CFAP44: variants seen among roughly 807,000 people sequenced by gnomAD.
The protein encoded by CFAP44 is cilia and flagella associated protein 44.
Under a neutral mutation model 216.2 loss-of-function variants are expected in CFAP44, and 134 were observed. That is an observed-to-expected ratio of 0.62 (90% CI 0.54 to 0.72). The LOEUF (loss-of-function observed/expected upper bound fraction) is 0.72. CFAP44 is among the 30% of genes least tolerant of loss of function. CFAP44 has a pLI of 0.00. For synonymous variants in CFAP44, 700 were observed against 727.6 expected (o/e 0.96, Z 0.61); for missense variants, 2,035 against 2,182.1 (o/e 0.93, Z 1.34).
Position 113,396,621 on chromosome 3 carries a change from T to G in CFAP44, c.1676A>C (p.Lys559Thr). 6.2e-7 allele frequency: 1 copy of G among 1,614,106 alleles called. No individual in the cohort carries two copies. The highest frequency in any genetic ancestry group is 8.5e-7 in the Non-Finnish European group (1 of 1,180,014). ...KGLTIFAGRK[K>T]ILDADIQLKQ... ...CAACTGAATATCAGCATCCAAAATT[T>G]TCTTCCGTCCCGCAAAAATCGTGAG... Residue 559 changes from lysine (K) to threonine (T), a missense_variant, in exon 14 of 35, where the codon AAA becomes ACA. Physicochemically the swap from Lys to Thr is moderately conservative, Grantham distance 78 (BLOSUM62 -1). Coordinates refer to ENST00000393845, the MANE Select transcript of CFAP44 (RefSeq NM_001164496.2).
chr3:113,426,611 A>G, intron 3 of CFAP44: 1 of 228,262 alleles, frequency 4.4e-6, no homozygotes, highest in Non-Finnish European at 8.7e-6. Flanking sequence ...AGTCAAGTAA[A>G]CCTCTTTCCT....
chr3:113,432,542 T>G (rs1935132952), intron 2 of CFAP44, among the ~76,000 whole-genome samples: 1 of 152,206 alleles, frequency 6.6e-6, no homozygotes, highest in African/African-American at 2.4e-5. Flanking sequence ...CCTCCATATA[T>G]CTAAACAATA....
chr3:113,393,974 C>T (rs1482075874), intron 15 of CFAP44, among the ~76,000 whole-genome samples: 1 of 152,138 alleles, frequency 6.6e-6, no homozygotes, highest in African/African-American at 2.4e-5. Flanking sequence ...AGCCAAATTG[C>T]CCAGCCTCAA....
chr3:113,401,798 T>TGGCTTAGAAAATA, intron 9 of CFAP44, 59 bp from the exon 10 acceptor site: 1 of 1,517,158 alleles, frequency 6.6e-7, no homozygotes, highest in Non-Finnish European at 8.8e-7. Flanking sequence ...ATTTATTTTC[T>TGGCTTAGAAAATA]AAGCCAGAAA....
intron 22 of CFAP44, among the ~76,000 whole-genome samples, chr3:113,345,397 A>G (rs6795288): frequency 0.093 from 14,158 of 152,102 alleles, 885 homozygotes; most frequent in African/African-American, 0.17. Context: ...TGTGTGGTGT[A>G]TATATATGTG....
intron 15 of CFAP44, among the ~76,000 whole-genome samples, chr3:113,384,866 A>C (rs955035325): frequency 6.6e-6 from 1 of 152,226 alleles, no homozygotes; most frequent in Non-Finnish European, 1.5e-5. Flanking sequence ...GAGGGAGTCA[A>C]GAAGTTCAGA....
rs192936380 is a variant in CFAP44, at chr3:113,316,800, C to T, written c.4517-8532G>A. Among the ~76,000 whole-genome samples, 485 of 149,560 alleles carry T rather than the reference C, an allele frequency of 3.2e-3. 6 individuals are homozygous for T. Among genetic ancestry groups the T allele is most frequent in the South Asian group, 0.017 (79 of 4,610 alleles). ...ACAAGAATTGCTTGAATCTGGGAGG[C>T]GGAGGTTGCAGTGAGCCAAGATCAC... is the stretch of plus-strand genomic sequence containing the variant. On this transcript the variant is annotated intron_variant, in intron 28 of 34. Coordinates refer to ENST00000393845, the MANE Select transcript of CFAP44 (RefSeq NM_001164496.2).
chr3:113,301,870 T>C (rs748524052), intron 32 of CFAP44, among the ~76,000 whole-genome samples: 1 of 152,212 alleles, frequency 6.6e-6, no homozygotes, highest in African/African-American at 2.4e-5. Flanking sequence ...TCTCTTGAAA[T>C]TGTTCTTTGG....
intron 28 of CFAP44, among the ~76,000 whole-genome samples, chr3:113,314,973 A>T (rs1950073449): frequency 1.3e-5 from 2 of 152,124 alleles, no homozygotes; most frequent in Admixed American, 1.3e-4. Flanking sequence ...TTAAAATAGA[A>T]TCCCCAAAAA....
chr3:113,301,604 G>T (rs930397069), intron 32 of CFAP44, among the ~76,000 whole-genome samples: 2 of 152,002 alleles, frequency 1.3e-5, no homozygotes, highest in African/African-American at 4.8e-5. Context: ...AATGTGAAGG[G>T]CACAACTAAT....
chr3:113,297,126 T>G (rs914326393), intron 32 of CFAP44, among the ~76,000 whole-genome samples: 1 of 152,186 alleles, frequency 6.6e-6, no homozygotes, highest in African/African-American at 2.4e-5. Flanking sequence ...AACTGGATTA[T>G]GGACTGATCT....
intron 15 of CFAP44, among the ~76,000 whole-genome samples, chr3:113,385,506 C>T (rs1933623950): frequency 6.6e-6 from 1 of 152,024 alleles, no homozygotes; most frequent in Non-Finnish European, 1.5e-5. Flanking sequence ...GTAAAAACAA[C>T]ATTTGATCTA....
At chr3:113,365,839 T>C (rs1463991508) in intron 19 of CFAP44, among the ~76,000 whole-genome samples, 200 bp downstream of exon 19, 1 of 152,158 alleles carries the variant, frequency 6.6e-6, no homozygotes, top group African/African-American at 2.4e-5. Context: ...AATTCCAATC[T>C]TTAATAATAA....
intron 34 of CFAP44, among the ~76,000 whole-genome samples, chr3:113,292,490 A>G (rs962811437): frequency 5.9e-5 from 9 of 152,362 alleles, no homozygotes; most frequent in African/African-American, 2.2e-4. Flanking sequence ...ATTTGAATGC[A>G]TGAATACATC....
At chr3:113,430,429 G>GAAAAAAAAAAAAA (rs754983161) in intron 2 of CFAP44, among the ~76,000 whole-genome samples, 44 of 73,978 alleles carry the variant, frequency 5.9e-4, no homozygotes, top group African/African-American at 8.4e-4. Flanking sequence ...AAAAATAAAT[G>GAAAAAAAAAAAAA]AAAAAAAAAA....
intron 16 of CFAP44, among the ~76,000 whole-genome samples, chr3:113,379,999 A>C (rs61151383): frequency 0.052 from 7,920 of 152,062 alleles, 355 homozygotes; most frequent in African/African-American, 0.12. Flanking sequence ...CATTCTGTTC[A>C]CCCTTCAGAA....
chr3:113,363,456 A>G (rs766163287), intron 20 of CFAP44, 21 bp downstream of exon 20: 16 of 1,604,994 alleles, frequency 1.0e-5, no homozygotes, highest in East Asian at 2.2e-5. Flanking sequence ...CCTAGTCAGT[A>G]TTTATCAAAA....
intron 17 of CFAP44, among the ~76,000 whole-genome samples, chr3:113,378,799 G>A (rs1933422453): frequency 6.6e-6 from 1 of 152,044 alleles, no homozygotes; most frequent in South Asian, 2.1e-4. Flanking sequence ...ATTTTGTTCA[G>A]GGTGGCACTT....
intron 28 of CFAP44, among the ~76,000 whole-genome samples, chr3:113,318,744 C>T (rs1271051551): frequency 2.0e-5 from 3 of 152,104 alleles, no homozygotes; most frequent in Admixed American, 6.5e-5. Context: ...AGAAATCTTA[C>T]AAGCAAGAAG....
Sources: gnomAD v4.1 joint callset for allele counts (sites outside exome capture counted in the v4.1 genomes callset) on GRCh38, gnomAD v4.1.1 for gene constraint, MANE v1.5 for transcripts, NCBI Gene and HGNC (gene_info 2026-07-23, HGNC 2026-07-21) for gene names.